PCSK5: variants seen among roughly 807,000 people sequenced by gnomAD.
PCSK5 encodes the protein proprotein convertase subtilisin/kexin type 5.
Under a neutral mutation model 233.2 loss-of-function variants are expected in PCSK5, and 129 were observed. The ratio of observed to expected loss-of-function variants is 0.55; its 90% CI spans 0.48 to 0.64. The LOEUF is 0.64. PCSK5 is among the 30% of genes least tolerant of loss of function. The pLI is 0.00. For synonymous variants in PCSK5, 825 were observed against 879.2 expected (o/e 0.94, Z 1.09); for missense variants, 2,076 against 2,430.1 (o/e 0.85, Z 3.06).
At chr9:76,007,702 C>T (rs1321461123) in intron 3 of PCSK5, among the ~76,000 whole-genome samples, 2 of 151,772 alleles carry the variant, frequency 1.3e-5, no homozygotes, top group African/African-American at 2.4e-5. Context: ...TTATGGCTCA[C>T]TGCAGCTTTG....
At chr9:76,098,445 C>T (rs1249828726) in intron 8 of PCSK5, among the ~76,000 whole-genome samples, 2 of 152,176 alleles carry the variant, frequency 1.3e-5, no homozygotes, top group Non-Finnish European at 2.9e-5. Flanking sequence ...AGAAATATCC[C>T]TTTGCTTTTA....
intron 12 of PCSK5, among the ~76,000 whole-genome samples, chr9:76,167,167 C>T (rs1823119626): frequency 6.6e-6 from 1 of 152,192 alleles, no homozygotes; most frequent in Non-Finnish European, 1.5e-5. Context: ...TTGCCAGATC[C>T]AACCTGGTTC....
chr9:75,955,494 T>C (rs542678047), intron 2 of PCSK5, among the ~76,000 whole-genome samples: 1 of 152,310 alleles, frequency 6.6e-6, no homozygotes, highest in South Asian at 2.1e-4. Flanking sequence ...CTCAAATTAA[T>C]TCAATTGTAA....
chr9:76,172,600 G>C (rs889196636), intron 13 of PCSK5, among the ~76,000 whole-genome samples: 5 of 152,146 alleles, frequency 3.3e-5, no homozygotes, highest in Non-Finnish European at 7.4e-5. Context: ...CATCCAAAAT[G>C]ATCTTAAATA....
chr9:76,101,827 T>C (rs1196188276), intron 8 of PCSK5, among the ~76,000 whole-genome samples: 1 of 152,222 alleles, frequency 6.6e-6, no homozygotes, highest in Non-Finnish European at 1.5e-5. Flanking sequence ...CAGCTCTACA[T>C]TTTCTTTTGC....
At chr9:75,982,840 A>G (rs1002851249) in intron 2 of PCSK5, among the ~76,000 whole-genome samples, 4 of 144,440 alleles carry the variant, frequency 2.8e-5, no homozygotes, top group Admixed American at 7.2e-5. Context: ...GGTTTGTATT[A>G]TACTTAGATA....
At chr9:75,929,552 A>G (rs1378448712) in intron 1 of PCSK5, among the ~76,000 whole-genome samples, 2 of 151,790 alleles carry the variant, frequency 1.3e-5, no homozygotes, top group Non-Finnish European at 2.9e-5. Context: ...GAGAGGGTCC[A>G]CCCTCTCCCT....
At chr9:76,220,603 G>A (rs1279649557) in intron 20 of PCSK5, among the ~76,000 whole-genome samples, 4 of 150,048 alleles carry the variant, frequency 2.7e-5, no homozygotes, top group African/African-American at 7.4e-5. Context: ...TTTGGGTCTG[G>A]TCTTACAACC....
At chr9:76,140,941 T>TC (rs1235418740) in intron 10 of PCSK5, among the ~76,000 whole-genome samples, 1 of 152,120 alleles carries the variant, frequency 6.6e-6, no homozygotes, top group Admixed American at 6.6e-5. Flanking sequence ...CTCTTTTGTG[T>TC]AATCACCTGA....
intron 20 of PCSK5, among the ~76,000 whole-genome samples, chr9:76,199,199 T>C (rs1824816829): frequency 6.6e-6 from 1 of 152,160 alleles, no homozygotes; most frequent in Non-Finnish European, 1.5e-5. Flanking sequence ...TGGCATAGCC[T>C]ACCACCCACC....
intron 2 of PCSK5, among the ~76,000 whole-genome samples, chr9:75,952,289 G>A (rs1446871086): frequency 6.6e-6 from 1 of 152,074 alleles, no homozygotes; most frequent in East Asian, 1.9e-4. Context: ...TAAGGTCTTT[G>A]AGTTTGGACA....
intron 35 of PCSK5, among the ~76,000 whole-genome samples, chr9:76,348,056 A>G (rs1189000849): frequency 2.0e-5 from 3 of 152,272 alleles, no homozygotes; most frequent in Non-Finnish European, 2.9e-5. Flanking sequence ...AGATCACTTG[A>G]GGTCAGGAAT....
intron 33 of PCSK5, among the ~76,000 whole-genome samples, chr9:76,332,166 G>A (rs1186993505): frequency 6.6e-6 from 1 of 152,026 alleles, no homozygotes; most frequent in East Asian, 1.9e-4. Flanking sequence ...CTGATGAGAT[G>A]AGATGGGATC....
intron 32 of PCSK5, 31 bp downstream of exon 32, chr9:76,323,319 CGG>C (rs763082707): frequency 8.9e-6 from 12 of 1,347,356 alleles, no homozygotes; most frequent in Non-Finnish European, 1.3e-5. Flanking sequence ...AAATAGGCTC[CGG>C]GGTTTGCATA....
chr9:76,111,858 C>T (rs956167783), intron 9 of PCSK5, among the ~76,000 whole-genome samples: 13 of 152,066 alleles, frequency 8.5e-5, no homozygotes, highest in African/African-American at 2.9e-4. Context: ...AGTATATGTT[C>T]CCAGTGCTAT....
intron 4 of PCSK5, among the ~76,000 whole-genome samples, chr9:76,024,146 A>G (rs1458308774): frequency 1.3e-5 from 2 of 152,224 alleles, no homozygotes; most frequent in East Asian, 1.9e-4. Context: ...ACCATCTGCT[A>G]CCAGCAACAT....
intron 36 of PCSK5, among the ~76,000 whole-genome samples, chr9:76,352,854 G>C: frequency 6.7e-6 from 1 of 149,536 alleles, no homozygotes. Flanking sequence ...TACAGCCTGG[G>C]CAACATGGTG....
At chr9:76,266,619 T>G (rs1161238135) in intron 24 of PCSK5, among the ~76,000 whole-genome samples, 2 of 152,218 alleles carry the variant, frequency 1.3e-5, no homozygotes, top group Non-Finnish European at 2.9e-5. Context: ...AGTGCCAAAC[T>G]TCTTAGAAAT....
chr9:76,355,353 G>A (rs1286446003), intron 37 of PCSK5, among the ~76,000 whole-genome samples: 3 of 152,060 alleles, frequency 2.0e-5, no homozygotes, highest in Admixed American at 2.0e-4. Context: ...GGCGCCTGTA[G>A]TCCCAGCTAC....
Sources: gnomAD v4.1 joint callset for allele counts (sites outside exome capture counted in the v4.1 genomes callset) on GRCh38, gnomAD v4.1.1 for gene constraint, MANE v1.5 for transcripts, NCBI Gene and HGNC (gene_info 2026-07-23, HGNC 2026-07-21) for gene names.